SND1: variants seen among roughly 807,000 people sequenced by gnomAD.
The protein encoded by SND1 is staphylococcal nuclease domain-containing protein 1.
A neutral mutation model predicts 121.7 loss-of-function variants in SND1; 38 were observed. The observed-to-expected ratio is 0.31, with a 90% CI of 0.24 to 0.41. The LOEUF is 0.41. Among genes scored for constraint, SND1 ranks in the 10% least tolerant of loss-of-function variants. The probability of loss-of-function intolerance (pLI) is 1.00; values close to 1 mark genes in which losing one functional copy is unlikely to be tolerated. For missense variants in SND1, 868 were observed against 1,184.6 expected (o/e 0.73, Z 3.92); for synonymous variants, 401 against 447.4 (o/e 0.90, Z 1.31).
chr7:127,718,753 G>A (rs1796436299), intron 9 of SND1: 1 of 985,302 alleles, frequency 1.0e-6, no homozygotes, highest in East Asian at 1.1e-4. Flanking sequence ...TAATCAGCAG[G>A]TAAAGGTGTG....
At chr7:127,975,424 CGTGTGTGTGTGTGTGT>C (rs66757341) in intron 15 of SND1, among the ~76,000 whole-genome samples, 5 of 147,452 alleles carry the variant, frequency 3.4e-5, no homozygotes, top group African/African-American at 7.5e-5. Context: ...TGACTCCCCT[CGTGTGTGTGTGTGTGT>C]GTGTGTGTGT....
chr7:127,729,511 C>T lies in SND1; in HGVS notation c.1152+8111C>T, dbSNP rs1428161137. ...AGTTTAGTGCAGTCATCCAGTGCTT[C>T]GCATTTTTGCAGGCTGGGCTGTAGG... is the stretch of plus-strand genomic sequence containing the variant. On this transcript the variant is annotated intron_variant, in intron 10 of 23. Transcript: ENST00000354725. Among the ~76,000 whole-genome samples, 8 of 145,350 alleles carry T rather than the reference C, an allele frequency of 5.5e-5. No homozygotes were observed. In the Admixed American group the frequency reaches 5.6e-4, roughly 10 times the overall value.
At chr7:128,058,022 T>G (rs1482515970) in intron 16 of SND1, among the ~76,000 whole-genome samples, 1 of 152,238 alleles carries the variant, frequency 6.6e-6, no homozygotes, top group Non-Finnish European at 1.5e-5. Context: ...GACTAGTCCC[T>G]TAGCCTGGCT....
intron 16 of SND1, among the ~76,000 whole-genome samples, chr7:128,018,136 C>T (rs1283686776): frequency 6.6e-6 from 1 of 152,224 alleles, no homozygotes; most frequent in Admixed American, 6.5e-5. Flanking sequence ...CTCAGGGCAC[C>T]GCCTTATGGG....
intron 2 of SND1, among the ~76,000 whole-genome samples, chr7:127,694,048 G>T (rs1035132863): frequency 2.6e-5 from 4 of 152,118 alleles, no homozygotes; most frequent in African/African-American, 9.7e-5. Flanking sequence ...ACGGTGAGAG[G>T]AAAGAATCAC....
At chr7:128,090,935 CCTG>C (rs1484013565) in intron 22 of SND1, among the ~76,000 whole-genome samples, 1 of 152,146 alleles carries the variant, frequency 6.6e-6, no homozygotes, top group Non-Finnish European at 1.5e-5. Context: ...CCATAATGCC[CCTG>C]CTATCTAGAA....
In SND1 at chr7:127,701,197, C is replaced by A; in HGVS notation, c.463C>A (p.Gln155Lys). 6.2e-7 allele frequency: 1 copy of A among 1,613,950 alleles called. No individual in the cohort carries two copies. The highest frequency in any genetic ancestry group is 8.5e-7 in the Non-Finnish European group (1 of 1,179,928). The stretch of plus-strand genomic sequence containing the variant: ...GAACCGGCTTTCAGAATGTGAAGAA[C>A]AAGCAAAGGCAGCCAAGAAAGGGAT... ...EQNRLSECEE[Q>K]AKAAKKGMWS... The change falls in exon 5 of 24, where the codon CAA becomes AAA. Residue 155 changes from glutamine to lysine, a missense_variant. By Grantham distance (53) the Gln-to-Lys change is moderately conservative (BLOSUM62 1). Transcript: ENST00000354725.
At chr7:127,979,042 T>G (rs542926070) in intron 15 of SND1, among the ~76,000 whole-genome samples, 2 of 152,244 alleles carry the variant, frequency 1.3e-5, no homozygotes, top group South Asian at 2.1e-4. Context: ...GTTGGCGAGC[T>G]TTTTCTAGAA....
At chr7:128,019,343 G>T (rs1236976580) in intron 16 of SND1, among the ~76,000 whole-genome samples, 1 of 152,174 alleles carries the variant, frequency 6.6e-6, no homozygotes, top group African/African-American at 2.4e-5. Context: ...GCTAACTAAT[G>T]TCTCTTGTGT....
Position 127,853,519 on chromosome 7 carries a change from A to T in SND1, c.1343+9095A>T, listed in dbSNP as rs114866327. 5.8e-3 allele frequency among the ~76,000 whole-genome samples: 884 copies of T among 152,308 alleles called. 7 individuals are homozygous for T. Among genetic ancestry groups the T allele is most frequent in the African/African-American group, 0.02 (835 of 41,558 alleles). ...TGAAGACATCCTTTAGTATTAAAAC[A>T]GTGGGTTAATGAATGGTCTCTGTTA... On this transcript the variant is annotated intron_variant, in intron 12 of 23. Coordinates refer to ENST00000354725, the MANE Select transcript of SND1 (RefSeq NM_014390.4).
intron 16 of SND1, among the ~76,000 whole-genome samples, chr7:128,065,119 T>A (rs1793290284): frequency 6.6e-6 from 1 of 152,188 alleles, no homozygotes; most frequent in African/African-American, 2.4e-5. Context: ...AAGAGTTAGA[T>A]GCCGGTGAAA....
chr7:127,866,757 A>G (rs1425718286), intron 12 of SND1, among the ~76,000 whole-genome samples: 1 of 152,132 alleles, frequency 6.6e-6, no homozygotes, highest in Admixed American at 6.6e-5. Flanking sequence ...CTACTTAACT[A>G]TATCTCTTCC....
chr7:128,089,783 C>A, intron 22 of SND1, 91 bp downstream of exon 22: 1 of 1,148,210 alleles, frequency 8.7e-7, no homozygotes, highest in Non-Finnish European at 1.3e-6. Flanking sequence ...AGCAGGGAAT[C>A]CACCATCCTG....
At chr7:128,088,379 C>T (rs1337203149) in intron 21 of SND1, among the ~76,000 whole-genome samples, 1 of 150,780 alleles carries the variant, frequency 6.6e-6, no homozygotes, top group African/African-American at 2.4e-5. Flanking sequence ...GAGGATCGCT[C>T]GAGCCCACAA....
intron 17 of SND1, among the ~76,000 whole-genome samples, chr7:128,080,771 T>TG (rs1793585776): frequency 6.6e-6 from 1 of 152,170 alleles, no homozygotes. Context: ...CAGATTGTAA[T>TG]TTGGTAGGCC....
intron 1 of SND1, among the ~76,000 whole-genome samples, chr7:127,670,493 G>A (rs1277214223): frequency 2.0e-5 from 3 of 152,030 alleles, no homozygotes; most frequent in African/African-American, 7.2e-5. Context: ...AACGGTTTGC[G>A]GCCAGATTGG....
intron 15 of SND1, among the ~76,000 whole-genome samples, chr7:127,935,195 T>A (rs569424343): frequency 1.3e-5 from 2 of 152,268 alleles, no homozygotes; most frequent in South Asian, 4.1e-4. Flanking sequence ...ACTTAGTAAG[T>A]ACAGATTGCA....
intron 8 of SND1, among the ~76,000 whole-genome samples, chr7:127,706,473 T>A (rs1448653271): frequency 6.6e-6 from 1 of 152,104 alleles, no homozygotes; most frequent in Non-Finnish European, 1.5e-5. Context: ...TTGGCCAGGA[T>A]GGTCTCGATC....
intron 14 of SND1, among the ~76,000 whole-genome samples, chr7:127,916,207 G>A (rs1800576765): frequency 6.6e-6 from 1 of 152,110 alleles, no homozygotes; most frequent in South Asian, 2.1e-4. Flanking sequence ...GCTGGAACTA[G>A]GATTGTGGCA....
Sources: gnomAD v4.1 joint callset for allele counts (sites outside exome capture counted in the v4.1 genomes callset) on GRCh38, gnomAD v4.1.1 for gene constraint, MANE v1.5 for transcripts, NCBI Gene and HGNC (gene_info 2026-07-23, HGNC 2026-07-21) for gene names.